Variants in MPHOSPH9 observed in about 807,000 individuals in gnomAD.
The protein encoded by MPHOSPH9 is M-phase phosphoprotein 9.
In MPHOSPH9, 88 loss-of-function variants were observed where a neutral mutation model predicts 145.5. The ratio of observed to expected loss-of-function variants is 0.60; its 90% confidence interval spans 0.51 to 0.72. MPHOSPH9 has a LOEUF of 0.72. Among genes scored for constraint, MPHOSPH9 ranks in the 30% least tolerant of loss-of-function variants. The pLI, the probability that MPHOSPH9 is intolerant of heterozygous loss-of-function variation, is 0.00. For missense variants in MPHOSPH9, 1,238 were observed against 1,386.6 expected, an observed-to-expected ratio of 0.89 and a Z score of 1.70; for synonymous variants, 435 against 486.2, an observed-to-expected ratio of 0.89 and a Z score of 1.39.
intron 7 of MPHOSPH9, among the ~76,000 whole-genome samples, chr12:123,212,026 A>C (rs892260943): frequency 2.0e-5 from 3 of 152,172 alleles, no homozygotes; most frequent in African/African-American, 7.2e-5. Context: ...ATAGACATAC[A>C]GAATCAATGT....
chr12:123,215,102 C>T (rs1351150016), intron 6 of MPHOSPH9, among the ~76,000 whole-genome samples: 1 of 152,102 alleles, frequency 6.6e-6, no homozygotes, highest in East Asian at 1.9e-4. Context: ...ATTAGCCGGG[C>T]GCAGTGGCGG....
chr12:123,166,889 T>G, intron 16 of MPHOSPH9, 100 bp from the exon 17 acceptor site: 1 of 1,198,994 alleles, frequency 8.3e-7, no homozygotes, highest in Admixed American at 2.7e-5. Flanking sequence ...ATTTACACAT[T>G]TGTACACTAA....
chr12:123,231,292 T>C (rs2047623909), intron 1 of MPHOSPH9, among the ~76,000 whole-genome samples: 1 of 152,234 alleles, frequency 6.6e-6, no homozygotes, highest in African/African-American at 2.4e-5. Context: ...GTTCTAGATA[T>C]AATTCTATTA....
At chr12:123,219,904 T>C (rs1420735105) in intron 5 of MPHOSPH9, among the ~76,000 whole-genome samples, 1 of 151,958 alleles carries the variant, frequency 6.6e-6, no homozygotes, top group Non-Finnish European at 1.5e-5. Context: ...ACATTCAGGC[T>C]GGGTGCAGTG....
chr12:123,227,698 G>A, intron 2 of MPHOSPH9, 82 bp from the exon 3 acceptor site: 1 of 1,236,704 alleles, frequency 8.1e-7, no homozygotes, highest in Non-Finnish European at 1.1e-6. Context: ...ATTTAGCAGA[G>A]CAGTACAAAA....
At chr12:123,235,531 ATTT>A (rs538804885), upstream of MPHOSPH9, among the ~76,000 whole-genome samples, 1 of 141,308 alleles carries the variant, frequency 7.1e-6, no homozygotes, top group Non-Finnish European at 1.6e-5. Flanking sequence ...GGCCCAGCTA[ATTT>A]TTTTTTTTTT....
rs1343499267 is a variant in MPHOSPH9 at position 123,201,169 on chromosome 12, C to T, written c.1937+995G>A. Reference sequence around the variant, plus strand: ...TTCAATAAGACAGCCATGTTAACTACCACAGCAACCAAAACTACTTACAGT... The same window carrying T: ...TTCAATAAGACAGCCATGTTAACTATCACAGCAACCAAAACTACTTACAGT... On this transcript the variant is annotated intron_variant, in intron 11 of 23. Transcript: ENST00000606320. 2.0e-5 allele frequency among the ~76,000 whole-genome samples: 3 copies of T among 152,160 alleles called. No individual in the cohort carries two copies. In the East Asian group the frequency reaches 5.8e-4, roughly 29 times the overall value.
chr12:123,197,182 TAA>T (rs886396439), intron 12 of MPHOSPH9, among the ~76,000 whole-genome samples: 7 of 151,170 alleles, frequency 4.6e-5, no homozygotes, highest in African/African-American at 1.5e-4. Flanking sequence ...TGCAAAAAAT[TAA>T]AAAAAAATTT....
Position 123,155,050 on chromosome 12 carries a change from A to C in MPHOSPH9, c.*1757T>G, listed in dbSNP as rs752411104. The C allele has an allele frequency of 6.6e-6, 1 of 151,884 alleles. No individual in the cohort carries two copies. The highest frequency in any genetic ancestry group is 1.5e-5 in the Non-Finnish European group (1 of 68,002). The allele number at this position is 151,884 out of a possible 1,614,324, so 9.4% of individuals were successfully genotyped here. A position where few individuals can be genotyped will look rare whatever the true frequency, so the allele number is the denominator to read the frequency against. ...CACACATAGACATATACACACACACAAAATTAGCCGGGCGTGGTGGCAGAT... is the reference window on the plus strand; with the variant it reads ...CACACATAGACATATACACACACACCAAATTAGCCGGGCGTGGTGGCAGAT... On this transcript the variant is annotated 3_prime_UTR_variant, in exon 24 of 24. Coordinates refer to ENST00000606320, the MANE Select transcript of MPHOSPH9 (RefSeq NM_022782.4).
Position 123,221,914 on chromosome 12 carries a change from A to C in MPHOSPH9, c.349-19T>G. ...GTATATGCTGGAAATAAAAAGTTAT[A>C]GATTTGGGTAAGAAAGTATATTAAA... On this transcript the variant is annotated intron_variant, in intron 4 of 23. Coordinates refer to ENST00000606320, the MANE Select transcript of MPHOSPH9 (RefSeq NM_022782.4). 7.3e-7 allele frequency: 1 copy of C among 1,369,916 alleles called. No homozygotes were observed. Among genetic ancestry groups the C allele is most frequent in the Non-Finnish European group, 9.8e-7 (1 of 1,018,726 alleles). The allele number at this position is 1,369,916 out of a possible 1,614,324, so 84.9% of individuals were successfully genotyped here.
intron 16 of MPHOSPH9, among the ~76,000 whole-genome samples, chr12:123,171,245 G>C (rs1166528861): frequency 2.0e-5 from 3 of 151,996 alleles, no homozygotes; most frequent in East Asian, 1.9e-4. Flanking sequence ...CTTGAGGTCA[G>C]GAGTTCGAGA....
At chr12:123,217,851 C>T (rs2047031746) in intron 6 of MPHOSPH9, among the ~76,000 whole-genome samples, 1 of 151,950 alleles carries the variant, frequency 6.6e-6, no homozygotes, top group Non-Finnish European at 1.5e-5. Flanking sequence ...CGAGAGCAGC[C>T]TGGCCAACAT....
intron 13 of MPHOSPH9, among the ~76,000 whole-genome samples, chr12:123,190,050 G>C (rs2045608948): frequency 4.6e-5 from 7 of 151,828 alleles, no homozygotes; most frequent in Admixed American, 4.6e-4. Context: ...ACAAAGACAA[G>C]GTAATGATAT....
At chr12:123,161,064 A>G in intron 22 of MPHOSPH9, 72 bp downstream of exon 22, 16 of 1,547,318 alleles carry the variant, frequency 1.0e-5, no homozygotes, top group Non-Finnish European at 1.4e-5. Flanking sequence ...GTTTGACTCA[A>G]TAATTCCCTT....
At chr12:123,206,302 C>A (rs200403594) in intron 8 of MPHOSPH9, among the ~76,000 whole-genome samples, 9 of 147,208 alleles carry the variant, frequency 6.1e-5, no homozygotes, top group East Asian at 2.0e-4. Context: ...AACAAACAAA[C>A]AAAAAAAAAA....
chr12:123,162,776 G>A (rs1053080585), intron 20 of MPHOSPH9: 10 of 399,250 alleles, frequency 2.5e-5, no homozygotes, highest in Admixed American at 1.8e-4. Context: ...TACAAAAGCT[G>A]ACAGGGGTGC....
chr12:123,181,401 A>ACATTTGATATTATTTC (rs1351725273), intron 13 of MPHOSPH9, among the ~76,000 whole-genome samples, 191 bp from the exon 14 acceptor site: 1 of 152,146 alleles, frequency 6.6e-6, no homozygotes, highest in Non-Finnish European at 1.5e-5. Flanking sequence ...TGGTTTCTGT[A>ACATTTGATATTATTTC]CATTTGATAT....
chr12:123,167,650 C>T (rs2044374644), intron 16 of MPHOSPH9, among the ~76,000 whole-genome samples: 1 of 152,112 alleles, frequency 6.6e-6, no homozygotes, highest in Non-Finnish European at 1.5e-5. Flanking sequence ...GCTTGCAAAC[C>T]CCCAACATTT....
In MPHOSPH9 at chr12:123,162,145, GT is replaced by G. The variant is rs772543091; in HGVS notation, c.3102del (p.Gln1034HisfsTer7). On this transcript the variant is annotated frameshift_variant, in exon 21 of 24. Coordinates refer to ENST00000606320, the MANE Select transcript of MPHOSPH9 (RefSeq NM_022782.4). LOFTEE classifies it high-confidence loss of function. ...STLQRTNPRK[Q>X]LQFLPLDDSE... ...GAGTCATCTAGAGGAAGAAACTGGA[GT>G]TGCTTTCTTGGATTGGTACGTTGTA... is the stretch of plus-strand genomic sequence containing the variant. 1 of 1,586,030 alleles carries G rather than the reference GT, an allele frequency of 6.3e-7. No individual in the cohort carries two copies. Among genetic ancestry groups the G allele is most frequent in the Non-Finnish European group, 8.6e-7 (1 of 1,164,136 alleles).
Sources: gnomAD v4.1 joint callset for allele counts (sites outside exome capture counted in the v4.1 genomes callset) on GRCh38, gnomAD v4.1.1 for gene constraint, MANE v1.5 for transcripts, NCBI Gene and HGNC (gene_info 2026-07-23, HGNC 2026-07-21) for gene names.